Variants in LINGO2 observed in about 807,000 individuals in gnomAD.
LINGO2 encodes leucine-rich repeat and immunoglobulin-like domain-containing nogo receptor-interacting protein 2.
Under a neutral mutation model 30.6 loss-of-function variants are expected in LINGO2, and 14 were observed. The observed-to-expected ratio is 0.46, with a 90% confidence interval of 0.30 to 0.72. LINGO2 has a LOEUF of 0.72. Among genes scored for constraint, LINGO2 ranks in the 30% least tolerant of loss-of-function variants. The pLI, the probability that LINGO2 is intolerant of heterozygous loss-of-function variation, is 0.07. For missense variants in LINGO2, 729 were observed against 751.7 expected (o/e 0.97, Z 0.35); for synonymous variants, 317 against 288.5 (o/e 1.10, Z -1.00).
chr9:28,015,936 TCA>T (rs1186261918), intron 4 of LINGO2, among the ~76,000 whole-genome samples: 6 of 133,992 alleles, frequency 4.5e-5, no homozygotes, highest in African/African-American at 1.7e-4. Context: ...GACCAAATAA[TCA>T]CACAAATATT....
chr9:28,715,791 T>C, the LINGO2 span, among the ~76,000 whole-genome samples: 1 of 152,042 alleles, frequency 6.6e-6, no homozygotes, highest in Admixed American at 6.6e-5. Context: ...AGTTGAAGAA[T>C]AACTTAGAAG....
At chr9:29,038,656 A>C in the LINGO2 span, among the ~76,000 whole-genome samples, 1 of 146,838 alleles carries the variant, frequency 6.8e-6, no homozygotes, top group Non-Finnish European at 1.5e-5. Context: ...AATTAATTAA[A>C]CAGAGTTCAC....
At chr9:28,439,449 G>A (rs1307211020) in intron 2 of LINGO2, among the ~76,000 whole-genome samples, 8 of 152,092 alleles carry the variant, frequency 5.3e-5, no homozygotes, top group African/African-American at 1.7e-4. Context: ...GTTTGGTTCT[G>A]TGTCCCCACC....
At chr9:28,470,927 A>G (rs1825493903) in intron 2 of LINGO2, among the ~76,000 whole-genome samples, 2 of 148,192 alleles carry the variant, frequency 1.3e-5, no homozygotes, top group South Asian at 4.2e-4. Flanking sequence ...AAATATAAGT[A>G]ATATATAACA....
At chr9:29,030,937 G>C in the LINGO2 span, among the ~76,000 whole-genome samples, 1 of 152,114 alleles carries the variant, frequency 6.6e-6, no homozygotes, top group Admixed American at 6.6e-5. Flanking sequence ...CCTCACTGTT[G>C]CTATCAACCA....
intron 4 of LINGO2, among the ~76,000 whole-genome samples, chr9:28,221,223 C>T (rs1820950707): frequency 6.8e-6 from 1 of 146,210 alleles, no homozygotes; most frequent in Non-Finnish European, 1.5e-5. Context: ...TGGCGTGAAC[C>T]CAGGAGGCGG....
chr9:28,774,009 G>A, the LINGO2 span, among the ~76,000 whole-genome samples: 9 of 148,414 alleles, frequency 6.1e-5, no homozygotes, highest in East Asian at 1.6e-3. Flanking sequence ...AGAAATTTTA[G>A]GTATGTGGGC....
intron 3 of LINGO2, among the ~76,000 whole-genome samples, chr9:28,301,958 T>C (rs1329564041): frequency 6.6e-6 from 1 of 152,164 alleles, no homozygotes; most frequent in Non-Finnish European, 1.5e-5. Flanking sequence ...CAACCAAGAA[T>C]TCTATGTCCA....
the LINGO2 span, among the ~76,000 whole-genome samples, chr9:28,750,155 T>G: frequency 6.6e-6 from 1 of 152,158 alleles, no homozygotes; most frequent in Admixed American, 6.5e-5. Context: ...TATTTTGTTA[T>G]GTTTCTGGCA....
chr9:28,405,531 T>C (rs2134772231), intron 2 of LINGO2, among the ~76,000 whole-genome samples: 1 of 152,290 alleles, frequency 6.6e-6, no homozygotes, highest in Non-Finnish European at 1.5e-5. Flanking sequence ...CATTTAAAAA[T>C]GTATTAAATT....
the LINGO2 span, among the ~76,000 whole-genome samples, chr9:28,850,507 G>A: frequency 6.6e-6 from 1 of 151,768 alleles, no homozygotes; most frequent in Non-Finnish European, 1.5e-5. Flanking sequence ...AACTGCTTCT[G>A]GTCCATGAAC....
intron 1 of LINGO2, among the ~76,000 whole-genome samples, chr9:28,592,897 C>T (rs1824990125): frequency 6.6e-6 from 1 of 152,006 alleles, no homozygotes; most frequent in East Asian, 1.9e-4. Flanking sequence ...TCCCCAATCC[C>T]ATCTATTGGC....
the LINGO2 span, among the ~76,000 whole-genome samples, chr9:29,118,908 T>C: frequency 6.6e-6 from 1 of 152,152 alleles, no homozygotes; most frequent in Non-Finnish European, 1.5e-5. Flanking sequence ...ACAGGTCCGC[T>C]GACCTCAATC....
intron 1 of LINGO2, among the ~76,000 whole-genome samples, chr9:28,535,695 C>T (rs1465791195): frequency 2.0e-5 from 3 of 150,466 alleles, no homozygotes; most frequent in East Asian, 1.9e-4. Context: ...CACATGAGTA[C>T]GTGCATGCAC....
the LINGO2 span, among the ~76,000 whole-genome samples, chr9:28,760,016 C>T: frequency 2.0e-5 from 3 of 152,080 alleles, no homozygotes; most frequent in South Asian, 4.1e-4. Context: ...ATAAGTCAGA[C>T]TTCCCACACT....
chr9:28,906,648 C>T, the LINGO2 span, among the ~76,000 whole-genome samples: 2 of 151,694 alleles, frequency 1.3e-5, no homozygotes, highest in African/African-American at 4.8e-5. Context: ...ATAACATCTA[C>T]CAGAGAATTT....
intron 4 of LINGO2, among the ~76,000 whole-genome samples, chr9:28,104,266 G>GTTTTTTTTTTTTTTTTTTTTT (rs74180789): frequency 1.0e-5 from 1 of 97,430 alleles, no homozygotes; most frequent in African/African-American, 3.8e-5. Flanking sequence ...TTTTTTGTTT[G>GTTTTTTTTTTTTTTTTTTTTT]TTTTTTTTTT....
the LINGO2 span, among the ~76,000 whole-genome samples, chr9:29,141,096 A>C: frequency 6.6e-6 from 1 of 152,086 alleles, no homozygotes; most frequent in African/African-American, 2.4e-5. Context: ...AAATATTTGA[A>C]GCATAGATTG....
the LINGO2 span, among the ~76,000 whole-genome samples, chr9:28,884,675 T>TAC: frequency 4.2e-5 from 4 of 95,760 alleles, no homozygotes; most frequent in South Asian, 3.5e-4. Context: ...TCCATATATA[T>TAC]ATATATATAG....
Sources: gnomAD v4.1 joint callset for allele counts (sites outside exome capture counted in the v4.1 genomes callset) on GRCh38, gnomAD v4.1.1 for gene constraint, MANE v1.5 for transcripts, NCBI Gene and HGNC (gene_info 2026-07-23, HGNC 2026-07-21) for gene names.